The following FBXL17 variants were observed in gnomAD, a reference collection of about 807,000 sequenced individuals.
FBXL17 encodes F-box and leucine rich repeat protein 17.
In FBXL17, 22 loss-of-function variants were observed where a neutral mutation model predicts 66.2. The observed-to-expected ratio is 0.33, with a 90% confidence interval of 0.24 to 0.47. The LOEUF is 0.47. FBXL17 is among the 20% of genes least tolerant of loss of function. FBXL17 has a pLI of 1.00. For synonymous variants in FBXL17, 474 were observed against 400.5 expected (o/e 1.18, Z -2.19); for missense variants, 878 against 948.2 (o/e 0.93, Z 0.97).
intron 4 of FBXL17, among the ~76,000 whole-genome samples, chr5:108,337,671 GA>G (rs1432114438): frequency 7.5e-6 from 1 of 133,298 alleles, no homozygotes; most frequent in Non-Finnish European, 1.6e-5. Context: ...CATTCTGGAA[GA>G]AAGAAGAAGA....
At chr5:107,973,145 A>G (rs1752435866) in intron 7 of FBXL17, among the ~76,000 whole-genome samples, 1 of 152,068 alleles carries the variant, frequency 6.6e-6, no homozygotes, top group Non-Finnish European at 1.5e-5. Context: ...GAGCCTGTTC[A>G]GGGTATACTC....
intron 5 of FBXL17, among the ~76,000 whole-genome samples, chr5:108,210,429 C>A (rs185258061): frequency 6.6e-4 from 101 of 152,294 alleles, no homozygotes; most frequent in Non-Finnish European, 1.3e-3. Flanking sequence ...ATCTTTCCTG[C>A]TTTCTCTTGT....
At chr5:108,376,697 A>G (rs1406405917) in intron 1 of FBXL17, among the ~76,000 whole-genome samples, 3 of 152,038 alleles carry the variant, frequency 2.0e-5, no homozygotes, top group Admixed American at 2.0e-4. Flanking sequence ...TTTTTCCCTC[A>G]GCATGGGTCA....
chr5:108,040,217 T>C (rs1169159941), intron 6 of FBXL17, among the ~76,000 whole-genome samples: 1 of 152,154 alleles, frequency 6.6e-6, no homozygotes, highest in African/African-American at 2.4e-5. Flanking sequence ...ACCTTCACTC[T>C]ACAAACAGCT....
intron 4 of FBXL17, among the ~76,000 whole-genome samples, chr5:108,236,923 A>T (rs763487723): frequency 6.6e-6 from 1 of 152,182 alleles, no homozygotes; most frequent in South Asian, 2.1e-4. Context: ...ATCTGTTCCA[A>T]TGAGATTTAC....
intron 6 of FBXL17, among the ~76,000 whole-genome samples, chr5:108,082,210 C>T (rs1748798800): frequency 6.8e-6 from 1 of 147,456 alleles, no homozygotes; most frequent in Admixed American, 6.8e-5. Flanking sequence ...TATTAAATCC[C>T]CTCTGGTAAA....
chr5:108,239,850 C>T (rs1279052821), intron 4 of FBXL17, among the ~76,000 whole-genome samples: 1 of 151,916 alleles, frequency 6.6e-6, no homozygotes, highest in Non-Finnish European at 1.5e-5. Flanking sequence ...CTTTGTCTTG[C>T]AATTTGAGTA....
intron 7 of FBXL17, among the ~76,000 whole-genome samples, chr5:107,957,460 T>A (rs1395689981): frequency 6.6e-6 from 1 of 152,312 alleles, no homozygotes; most frequent in South Asian, 2.1e-4. Context: ...CTTTAATTCT[T>A]ATTTAGAATA....
chr5:108,381,975 T>G lies in FBXL17; in HGVS notation c.-284A>C. 3.3e-6 allele frequency: 4 copies of G among 1,208,660 alleles called. No individual in the cohort carries two copies. Among genetic ancestry groups the G allele is most frequent in the Non-Finnish European group, 3.1e-6 (3 of 970,648 alleles). The allele number at this position is 1,208,660 out of a possible 1,614,324, so 74.9% of individuals were successfully genotyped here. On this transcript the variant is annotated 5_prime_UTR_variant, in exon 1 of 9. Transcript: ENST00000542267. ...GGAGGGAGCGAGCGAGCCTGCCGGC[T>G]AGGCGACCAGTCCGGGCCCGGCCAG...
intron 7 of FBXL17, among the ~76,000 whole-genome samples, chr5:107,914,115 G>T (rs11738072): frequency 0.073 from 11,123 of 151,934 alleles, 882 homozygotes; most frequent in African/African-American, 0.2. Context: ...ACGGTGAAAT[G>T]ATTCCTATCA....
chr5:108,277,876 T>G (rs953341649), intron 4 of FBXL17, among the ~76,000 whole-genome samples: 1 of 152,208 alleles, frequency 6.6e-6, no homozygotes, highest in African/African-American at 2.4e-5. Flanking sequence ...TTAAAAAATG[T>G]ATATACCTTA....
chr5:108,124,158 C>G (rs1164071700), intron 6 of FBXL17, among the ~76,000 whole-genome samples: 1 of 152,028 alleles, frequency 6.6e-6, no homozygotes, highest in Non-Finnish European at 1.5e-5. Context: ...ATGAGTCCTA[C>G]AAATTCATCT....
intron 7 of FBXL17, among the ~76,000 whole-genome samples, chr5:108,000,341 C>A (rs1369305512): frequency 6.6e-6 from 1 of 152,128 alleles, no homozygotes; most frequent in African/African-American, 2.4e-5. Context: ...GTACACTTGG[C>A]AATGAAAAGT....
chr5:108,118,514 C>T (rs959400074), intron 6 of FBXL17, among the ~76,000 whole-genome samples: 4 of 152,182 alleles, frequency 2.6e-5, no homozygotes, highest in African/African-American at 9.7e-5. Flanking sequence ...TTCATCCTTT[C>T]CTTTCCATTT....
chr5:108,019,647 A>G (rs111571299), intron 7 of FBXL17, among the ~76,000 whole-genome samples: 2,027 of 151,714 alleles, frequency 0.013, 44 homozygotes, highest in African/African-American at 0.047. Context: ...TATATAATAC[A>G]CACATACACA....
chr5:107,984,177 G>A (rs1043791457), intron 7 of FBXL17, among the ~76,000 whole-genome samples: 4 of 151,952 alleles, frequency 2.6e-5, no homozygotes, highest in African/African-American at 9.7e-5. Context: ...GCATCAAATT[G>A]GACAAGTTAT....
intron 6 of FBXL17, among the ~76,000 whole-genome samples, chr5:108,104,049 T>G (rs115261150): frequency 0.027 from 4,154 of 152,264 alleles, 205 homozygotes; most frequent in African/African-American, 0.093. Context: ...TGTTGTTGTT[T>G]TTTGAGATGC....
intron 7 of FBXL17, among the ~76,000 whole-genome samples, chr5:107,982,417 TCTTTG>T (rs1241808971): frequency 6.6e-6 from 1 of 151,990 alleles, no homozygotes; most frequent in African/African-American, 2.4e-5. Context: ...AAGTGAGTAC[TCTTTG>T]CTTTATGAGG....
At chr5:108,192,524 T>A (rs1753506991) in intron 5 of FBXL17, among the ~76,000 whole-genome samples, 1 of 152,164 alleles carries the variant, frequency 6.6e-6, no homozygotes, top group Non-Finnish European at 1.5e-5. Flanking sequence ...AATGAGACAC[T>A]AAAATGTTAC....
Sources: gnomAD v4.1 joint callset for allele counts (sites outside exome capture counted in the v4.1 genomes callset) on GRCh38, gnomAD v4.1.1 for gene constraint, MANE v1.5 for transcripts, NCBI Gene and HGNC (gene_info 2026-07-23, HGNC 2026-07-21) for gene names.